The following PTH2R variants were observed in gnomAD, a reference collection of about 807,000 sequenced individuals.
PTH2R encodes the protein PTH2 receptor.
PTH2R carries 59 observed loss-of-function variants against 60.3 expected under a neutral mutation model. The observed-to-expected ratio is 0.98, with a 90% CI of 0.79 to 1.22. The LOEUF is 1.22. Among genes scored for constraint, PTH2R ranks in the 50% most tolerant of loss-of-function variants. PTH2R has a pLI of 0.00. For missense variants in PTH2R, 749 were observed against 682.6 expected (o/e 1.10, Z -1.08); for synonymous variants, 256 against 243.8 (o/e 1.05, Z -0.47).
intron 1 of PTH2R, among the ~76,000 whole-genome samples, chr2:208,427,001 A>G (rs978384663): frequency 2.6e-5 from 4 of 152,340 alleles, no homozygotes; most frequent in African/African-American, 2.4e-5. Flanking sequence ...GGTTTCCTGA[A>G]AAGGTTATCC....
exon 1 of PTH2R, chr2:208,359,980 T>A: frequency 3.6e-6 from 1 of 280,316 alleles, no homozygotes; most frequent in Non-Finnish European, 7.2e-6. Context: ...GAGGAGCGGA[T>A]GGGGCTTGGG....
In PTH2R at chr2:208,455,725, G is replaced by C. The variant is rs950978787; in HGVS notation, c.915-4170G>C. 3.3e-5 allele frequency among the ~76,000 whole-genome samples: 5 copies of C among 152,110 alleles called. No individual in the cohort carries two copies. The South Asian group carries it at 1.0e-3, about 31-fold the overall frequency. On this transcript the variant is annotated intron_variant, in intron 8 of 12. Transcript: ENST00000272847. ...TAGCGCCATATGACAACACTCTGGG[G>C]AGAGAACAGATTTTAAATATCTTCA... is the stretch of plus-strand genomic sequence containing the variant.
intron 8 of PTH2R, among the ~76,000 whole-genome samples, chr2:208,452,366 A>G (rs1666471977): frequency 6.6e-6 from 1 of 152,256 alleles, no homozygotes; most frequent in Admixed American, 6.5e-5. Flanking sequence ...GTTAGCAAGT[A>G]TTATTCTTTG....
At chr2:208,380,760 G>A (rs552558224) in intron 1 of PTH2R, among the ~76,000 whole-genome samples, 26 of 152,246 alleles carry the variant, frequency 1.7e-4, no homozygotes, top group African/African-American at 5.8e-4. Context: ...GCTTTCCCCT[G>A]TGTGGGCTGC....
intron 1 of PTH2R, among the ~76,000 whole-genome samples, chr2:208,410,420 G>A (rs1472442300): frequency 1.3e-5 from 2 of 152,130 alleles, no homozygotes; most frequent in Non-Finnish European, 2.9e-5. Flanking sequence ...GAGATCAGCT[G>A]GGCACTGCTT....
chr2:208,438,767 T>G (rs554510985), intron 4 of PTH2R, among the ~76,000 whole-genome samples: 1 of 152,178 alleles, frequency 6.6e-6, no homozygotes, highest in South Asian at 2.1e-4. Flanking sequence ...TCTGGTGATG[T>G]TTTGGGGAGG....
intron 1 of PTH2R, 150 bp downstream of exon 1, chr2:208,407,268 T>C: frequency 1.8e-6 from 1 of 563,512 alleles, no homozygotes; most frequent in Non-Finnish European, 2.8e-6. Context: ...ACCCGGCAGG[T>C]GCTGGCAGGC....
intron 1 of PTH2R, among the ~76,000 whole-genome samples, chr2:208,422,937 ATC>A (rs1574859180): frequency 6.7e-6 from 1 of 148,164 alleles, no homozygotes; most frequent in East Asian, 2.0e-4. Context: ...GGCAACCACT[ATC>A]TCCTTTTCAT....
intron 2 of PTH2R, among the ~76,000 whole-genome samples, chr2:208,437,089 A>C (rs945098347): frequency 6.6e-6 from 1 of 152,198 alleles, no homozygotes; most frequent in African/African-American, 2.4e-5. Context: ...AGTACTGGTA[A>C]AAAGATAAAC....
chr2:208,493,198 C>G (rs771590174), intron 12 of PTH2R, 66 bp from the exon 13 acceptor site: 33 of 1,382,920 alleles, frequency 2.4e-5, no homozygotes, highest in Non-Finnish European at 3.1e-5. Flanking sequence ...AGGCAAACAT[C>G]TTTGTAACAA....
intron 2 of PTH2R, among the ~76,000 whole-genome samples, chr2:208,428,577 T>A (rs1051340687): frequency 2.0e-5 from 3 of 152,214 alleles, no homozygotes; most frequent in Non-Finnish European, 4.4e-5. Context: ...TCTTCAGGGT[T>A]TGTCTGCCTG....
intron 1 of PTH2R, among the ~76,000 whole-genome samples, chr2:208,419,349 C>T (rs554301058): frequency 9.9e-5 from 15 of 152,238 alleles, no homozygotes; most frequent in Admixed American, 5.9e-4. Context: ...TCATGTGCTT[C>T]GCCCACTTTT....
chr2:208,445,706 A>G (rs1702275595), intron 7 of PTH2R, among the ~76,000 whole-genome samples: 1 of 152,188 alleles, frequency 6.6e-6, no homozygotes, highest in South Asian at 2.1e-4. Context: ...CCTCTCCAAA[A>G]TAAGAATATG....
chr2:208,476,396 T>C (rs1171989611), intron 9 of PTH2R, among the ~76,000 whole-genome samples: 2 of 152,220 alleles, frequency 1.3e-5, no homozygotes, highest in Non-Finnish European at 2.9e-5. Flanking sequence ...CTAAGTCAGT[T>C]AGAAATATAA....
At chr2:208,424,369 G>A (rs1701815627) in intron 1 of PTH2R, among the ~76,000 whole-genome samples, 1 of 152,184 alleles carries the variant, frequency 6.6e-6, no homozygotes, top group African/African-American at 2.4e-5. Flanking sequence ...CTGTCCTTGT[G>A]TTGCTAGCTG....
At chr2:208,420,464 T>C (rs1271207650) in intron 1 of PTH2R, among the ~76,000 whole-genome samples, 1 of 152,182 alleles carries the variant, frequency 6.6e-6, no homozygotes, top group Admixed American at 6.5e-5. Context: ...AATTTTTTTT[T>C]GCTAATGAAG....
intron 1 of PTH2R, among the ~76,000 whole-genome samples, chr2:208,362,675 T>C (rs972384222): frequency 2.0e-5 from 3 of 152,218 alleles, no homozygotes; most frequent in Non-Finnish European, 4.4e-5. Context: ...TCTGAGTTCT[T>C]TTGGGTAAAT....
At chr2:208,394,363 A>T (rs1474899595) in intron 1 of PTH2R, among the ~76,000 whole-genome samples, 1 of 152,244 alleles carries the variant, frequency 6.6e-6, no homozygotes, top group Non-Finnish European at 1.5e-5. Flanking sequence ...AAGAGAAGTG[A>T]GAATAAAAGT....
At chr2:208,359,993 G>A (rs1559196607) in exon 1 of PTH2R, 1 of 296,734 alleles carries the variant, frequency 3.4e-6, no homozygotes, top group Non-Finnish European at 6.8e-6. Flanking sequence ...GGCTTGGGAG[G>A]CAGCCTGCTC....
Sources: allele counts gnomAD v4.1 joint callset (sites outside exome capture counted in the v4.1 genomes callset), GRCh38; gene constraint gnomAD v4.1.1; transcripts MANE v1.5; gene names NCBI Gene and HGNC (gene_info 2026-07-23, HGNC 2026-07-21).